CSMD1: variants seen among roughly 807,000 people sequenced by gnomAD.
CSMD1 encodes the protein CUB and Sushi multiple domains 1.
In CSMD1, 213 loss-of-function variants were observed where a neutral mutation model predicts 417.5. That is an observed-to-expected ratio of 0.51 (90% confidence interval 0.46 to 0.57). The LOEUF (loss-of-function observed/expected upper bound fraction) is 0.57. Among genes scored for constraint, CSMD1 ranks in the 20% least tolerant of loss-of-function variants. The pLI, the probability that CSMD1 is intolerant of heterozygous loss-of-function variation, is 0.00. For synonymous variants in CSMD1, 2,862 were observed against 1,736.8 expected (o/e 1.65, Z -16.11); for missense variants, 6,923 against 4,529.7 (o/e 1.53, Z -15.17).
chr8:4,183,737 A>G (rs1798509908), intron 3 of CSMD1, among the ~76,000 whole-genome samples: 4 of 152,250 alleles, frequency 2.6e-5, no homozygotes, highest in Admixed American at 2.0e-4. Flanking sequence ...TCATTTTAAA[A>G]GATTAGTGAA....
At chr8:3,381,343 A>T (rs541307696) in intron 18 of CSMD1, among the ~76,000 whole-genome samples, 2 of 152,316 alleles carry the variant, frequency 1.3e-5, no homozygotes, top group East Asian at 3.9e-4. Flanking sequence ...AAATTAACAA[A>T]AATAAATTAT....
chr8:3,287,139 T>A (rs199864841), intron 25 of CSMD1, among the ~76,000 whole-genome samples: 3,610 of 149,194 alleles, frequency 0.024, 83 homozygotes, highest in Admixed American at 0.064. Flanking sequence ...GTTGTAGATA[T>A]GCAGCATTAT....
At chr8:4,099,712 G>A (rs1374171805) in intron 3 of CSMD1, among the ~76,000 whole-genome samples, 2 of 151,814 alleles carry the variant, frequency 1.3e-5, no homozygotes. Flanking sequence ...TTTCTTTTGG[G>A]ACTTTACTTG....
intron 5 of CSMD1, among the ~76,000 whole-genome samples, chr8:3,986,599 C>T (rs1814336244): frequency 1.3e-5 from 2 of 152,004 alleles, no homozygotes; most frequent in South Asian, 2.1e-4. Flanking sequence ...TATTTTTTCC[C>T]AAGCCATGCA....
At chr8:4,591,618 C>A (rs1366873512) in intron 2 of CSMD1, among the ~76,000 whole-genome samples, 1 of 152,130 alleles carries the variant, frequency 6.6e-6, no homozygotes, top group East Asian at 1.9e-4. Context: ...GATGGCGGAA[C>A]TGGGCCTTCA....
intron 6 of CSMD1, among the ~76,000 whole-genome samples, chr8:3,743,102 C>T (rs1333035445): frequency 6.6e-6 from 1 of 152,206 alleles, no homozygotes; most frequent in East Asian, 1.9e-4. Context: ...GATAAACAAA[C>T]CTTTAAAGGA....
At chr8:4,477,647 C>T (rs116549614) in intron 2 of CSMD1, among the ~76,000 whole-genome samples, 2 of 152,188 alleles carry the variant, frequency 1.3e-5, no homozygotes, top group African/African-American at 2.4e-5. Context: ...TCTAAGAAAT[C>T]GTTGACTGGG....
rs772494874 is a variant in CSMD1 at position 3,087,273 on chromosome 8, C to T, written c.7298G>A (p.Ser2433Asn). ...CCCATTCTTCAGGGGGTGGGTCAAA[C>T]TGCAGTAAGGTGCTGTGGGCAGACA... The part of the protein sequence containing the change: ...FKIRYAAPYC[S>N]LTHPLKNGGI... Residue 2433 changes from serine to asparagine, a missense_variant, in exon 49 of 70, where the codon AGT (serine) becomes AAT (asparagine). Transcript: ENST00000635120. 6.2e-7 allele frequency: 1 copy of T among 1,613,908 alleles called. No homozygotes were observed. The highest frequency in any genetic ancestry group is 1.7e-5 in the Admixed American group (1 of 60,026).
At chr8:3,151,651 ACAATG>A in intron 39 of CSMD1, 138 bp from the exon 40 acceptor site, 1 of 607,562 alleles carries the variant, frequency 1.6e-6, no homozygotes, top group Non-Finnish European at 3.0e-6. Context: ...AGCACACGAT[ACAATG>A]CTGTGTGCCT....
In CSMD1 at chr8:4,146,593, C is replaced by CTTTTTTTTTTTTT. The variant is rs1208930261; in HGVS notation, c.416-114495_416-114494insAAAAAAAAAAAAA. On this transcript the variant is annotated intron_variant, in intron 3 of 69. Transcript: ENST00000635120. Reference sequence around the variant, plus strand: ...ATCTGTCTAAATGTTTATATGGACACATTTTTTTTTTTTTTTTTTTTTTTT... The same window carrying CTTTTTTTTTTTTT: ...ATCTGTCTAAATGTTTATATGGACACTTTTTTTTTTTTTATTTTTTTTTTTTTTTTTTTTTTTT... Among the ~76,000 whole-genome samples the CTTTTTTTTTTTTT allele has an allele frequency of 3.7e-3, 335 of 90,680 alleles. 114 individuals carry two copies. Among genetic ancestry groups the CTTTTTTTTTTTTT allele is most frequent in the Non-Finnish European group, 4.8e-3 (244 of 51,248 alleles). 59.5% of individuals were successfully genotyped at this position (90,680 alleles called of 152,430 possible). A position where few individuals can be genotyped will look rare whatever the true frequency, so the allele number is the denominator to read the frequency against.
intron 6 of CSMD1, among the ~76,000 whole-genome samples, chr8:3,751,607 T>C (rs978149281): frequency 1.3e-5 from 2 of 151,276 alleles, no homozygotes; most frequent in East Asian, 1.9e-4. Context: ...ATAATTTATA[T>C]ACTCTATATA....
At chr8:3,279,068 G>C (rs892516721) in intron 26 of CSMD1, 1 of 152,220 alleles carries the variant, frequency 6.6e-6, no homozygotes, top group Non-Finnish European at 1.5e-5. Flanking sequence ...GATTCTCACT[G>C]GTTCCCAGAA....
chr8:4,745,408 T>C (rs1442538704), intron 1 of CSMD1, among the ~76,000 whole-genome samples: 1 of 152,180 alleles, frequency 6.6e-6, no homozygotes, highest in African/African-American at 2.4e-5. Context: ...AATATAAATA[T>C]GTAGCTCTCA....
At chr8:3,746,141 A>C (rs1797056566) in intron 6 of CSMD1, among the ~76,000 whole-genome samples, 1 of 152,238 alleles carries the variant, frequency 6.6e-6, no homozygotes, top group South Asian at 2.1e-4. Flanking sequence ...TGAGACAGAG[A>C]ACATGAAGAA....
intron 5 of CSMD1, among the ~76,000 whole-genome samples, chr8:3,829,926 C>A (rs1802278279): frequency 6.6e-6 from 1 of 151,846 alleles, no homozygotes; most frequent in Admixed American, 6.6e-5. Context: ...GGCTTTTCTC[C>A]TTTGAAAAAA....
chr8:3,779,798 G>C (rs1799080782), intron 5 of CSMD1, among the ~76,000 whole-genome samples: 1 of 152,168 alleles, frequency 6.6e-6, no homozygotes, highest in South Asian at 2.1e-4. Flanking sequence ...TTAACATCCA[G>C]AAATATTGAG....
intron 25 of CSMD1, among the ~76,000 whole-genome samples, chr8:3,303,661 T>G (rs1360995990): frequency 1.3e-5 from 2 of 152,218 alleles, no homozygotes; most frequent in Non-Finnish European, 2.9e-5. Flanking sequence ...ACACATATGG[T>G]TATGTAAAAC....
chr8:4,173,812 G>T (rs986464675), intron 3 of CSMD1, among the ~76,000 whole-genome samples: 1 of 152,106 alleles, frequency 6.6e-6, no homozygotes, highest in Admixed American at 6.5e-5. Flanking sequence ...TGCGCTTGAG[G>T]AACAATCTGA....
chr8:4,181,282 T>C (rs1342192971), intron 3 of CSMD1, among the ~76,000 whole-genome samples: 1 of 152,220 alleles, frequency 6.6e-6, no homozygotes, highest in Non-Finnish European at 1.5e-5. Flanking sequence ...CTGAATTTGA[T>C]ATTTATTGTA....
Sources: gnomAD v4.1 joint callset for allele counts (sites outside exome capture counted in the v4.1 genomes callset) on GRCh38, gnomAD v4.1.1 for gene constraint, MANE v1.5 for transcripts, NCBI Gene and HGNC (gene_info 2026-07-23, HGNC 2026-07-21) for gene names.